Variants in MTUS2 observed in about 807,000 individuals in gnomAD.
The protein encoded by MTUS2 is microtubule-associated tumor suppressor candidate 2.
MTUS2 carries 40 observed loss-of-function variants against 114.1 expected under a neutral mutation model. The ratio of observed to expected loss-of-function variants is 0.35; its 90% CI spans 0.27 to 0.46. MTUS2 has a LOEUF of 0.46. Ranked by LOEUF, MTUS2 falls within the 20% of genes least tolerant of loss-of-function variation. The pLI is 1.00. For missense variants in MTUS2, 1,679 were observed against 1,705.4 expected (o/e 0.98, Z 0.27); for synonymous variants, 688 against 672.0 (o/e 1.02, Z -0.37).
At chr13:29,491,722 GGTGT>G (rs200557963) in intron 11 of MTUS2, among the ~76,000 whole-genome samples, 49,534 of 142,746 alleles carry the variant, frequency 0.35, 8,704 homozygotes, top group East Asian at 0.68. Flanking sequence ...GTGTGTGGTA[GGTGT>G]GTGTGGGGCG....
intron 2 of MTUS2, among the ~76,000 whole-genome samples, chr13:28,983,848 G>A (rs1884462172): frequency 6.6e-6 from 1 of 152,220 alleles, no homozygotes; most frequent in Non-Finnish European, 1.5e-5. Flanking sequence ...CTTTATCACT[G>A]CTGCCAAGCA....
At chr13:29,456,794 G>A (rs1879136284) in intron 9 of MTUS2, among the ~76,000 whole-genome samples, 1 of 152,144 alleles carries the variant, frequency 6.6e-6, no homozygotes, top group Admixed American at 6.5e-5. Flanking sequence ...TGGAAACTTA[G>A]ATGTATAGGA....
intron 6 of MTUS2, among the ~76,000 whole-genome samples, chr13:29,284,667 AAG>A (rs1156379287): frequency 3.9e-5 from 6 of 152,210 alleles, no homozygotes; most frequent in Non-Finnish European, 8.8e-5. Context: ...CAGATTCAGA[AAG>A]AATTGCAACG....
Position 29,196,435 on chromosome 13 carries a change from ATT to A in MTUS2, c.2645-85260_2645-85259del, listed in dbSNP as rs67580981. Among the ~76,000 whole-genome samples, 576 of 151,358 alleles carry A rather than the reference ATT, an allele frequency of 3.8e-3. 3 individuals carry two copies. The highest frequency in any genetic ancestry group is 0.013 in the African/African-American group (540 of 41,290). Reference sequence around the variant, plus strand: ...TTAAAAATATTAATATTTTTCCTCAATTTTTTTTTTGACTGTGGGAAAATGCA... The same window carrying A: ...TTAAAAATATTAATATTTTTCCTCAATTTTTTTTGACTGTGGGAAAATGCA... On this transcript the variant is annotated intron_variant, in intron 5 of 15. Coordinates refer to ENST00000612955, the MANE Select transcript of MTUS2 (RefSeq NM_001033602.4).
Position 29,505,763 on chromosome 13 carries a change from G to A in MTUS2, c.*2557G>A, listed in dbSNP as rs914717243. ...GTGGGCGGCCTGCCCCCCGACCGCC[G>A]CCCCTGCCCACCACATGCTGGGACA... On this transcript the variant is annotated 3_prime_UTR_variant, in exon 16 of 16. Coordinates refer to ENST00000612955, the MANE Select transcript of MTUS2 (RefSeq NM_001033602.4). 3 of 228,970 alleles carry A rather than the reference G, an allele frequency of 1.3e-5. No homozygotes were observed. The highest frequency in any genetic ancestry group is 2.2e-5 in the African/African-American group (1 of 45,030). 14.2% of individuals were successfully genotyped at this position (228,970 alleles called of 1,614,324 possible).
At chr13:29,185,132 A>G (rs1021990335) in intron 5 of MTUS2, among the ~76,000 whole-genome samples, 2 of 152,286 alleles carry the variant, frequency 1.3e-5, no homozygotes, top group Admixed American at 6.5e-5. Context: ...GAAAAGTACA[A>G]TGACTGAAAT....
At chr13:29,060,522 A>G (rs1888361617) in intron 4 of MTUS2, among the ~76,000 whole-genome samples, 1 of 144,722 alleles carries the variant, frequency 6.9e-6, no homozygotes, top group Non-Finnish European at 1.5e-5. Context: ...GTGGATCCCA[A>G]TGTGGTTTCT....
intron 14 of MTUS2, among the ~76,000 whole-genome samples, chr13:29,499,873 G>T (rs1057492482): frequency 5.9e-5 from 9 of 152,266 alleles, no homozygotes; most frequent in Non-Finnish European, 1.3e-4. Flanking sequence ...CAGACCAGAT[G>T]ATGCTGGATT....
At chr13:29,266,626 T>TCC (rs1213764104) in intron 5 of MTUS2, among the ~76,000 whole-genome samples, 1 of 152,154 alleles carries the variant, frequency 6.6e-6, no homozygotes, top group Non-Finnish European at 1.5e-5. Flanking sequence ...TTATAGATCA[T>TCC]CCCTAACTTT....
chr13:29,126,109 G>T (rs932646418), intron 5 of MTUS2, among the ~76,000 whole-genome samples: 8 of 152,126 alleles, frequency 5.3e-5, no homozygotes, highest in South Asian at 2.1e-4. Flanking sequence ...ACTTTGACAC[G>T]CATTTAACTT....
At chr13:29,104,263 C>A (rs549700365) in intron 5 of MTUS2, among the ~76,000 whole-genome samples, 1 of 152,182 alleles carries the variant, frequency 6.6e-6, no homozygotes, top group South Asian at 2.1e-4. Flanking sequence ...AGGTATCTTA[C>A]CATCCAGTTT....
chr13:29,250,837 T>G (rs1189191471), intron 5 of MTUS2, among the ~76,000 whole-genome samples: 3 of 152,186 alleles, frequency 2.0e-5, no homozygotes, highest in Non-Finnish European at 4.4e-5. Context: ...TAAATTTCAA[T>G]TTAACACCAA....
At chr13:29,457,586 A>G (rs1825721783) in intron 9 of MTUS2, among the ~76,000 whole-genome samples, 1 of 152,080 alleles carries the variant, frequency 6.6e-6, no homozygotes, top group Admixed American at 6.5e-5. Flanking sequence ...TGCTATTATA[A>G]ATAAGGCTGT....
chr13:29,039,710 A>G (rs1413809230), intron 4 of MTUS2, among the ~76,000 whole-genome samples: 1 of 152,160 alleles, frequency 6.6e-6, no homozygotes, highest in Non-Finnish European at 1.5e-5. Flanking sequence ...AACACAATAC[A>G]CTTGGATACT....
chr13:28,913,298 GT>G (rs1303006362), intron 2 of MTUS2, among the ~76,000 whole-genome samples: 1 of 152,102 alleles, frequency 6.6e-6, no homozygotes, highest in Non-Finnish European at 1.5e-5. Flanking sequence ...TCAATACCTA[GT>G]TTATTGAGAG....
intron 5 of MTUS2, among the ~76,000 whole-genome samples, chr13:29,208,428 T>C (rs1335148570): frequency 6.6e-6 from 1 of 152,004 alleles, no homozygotes; most frequent in Non-Finnish European, 1.5e-5. Flanking sequence ...CAATTTTCTT[T>C]AGTTCTGCTC....
At chr13:28,930,259 G>T (rs768793403) in intron 2 of MTUS2, among the ~76,000 whole-genome samples, 1 of 152,214 alleles carries the variant, frequency 6.6e-6, no homozygotes, top group Non-Finnish European at 1.5e-5. Context: ...CCACTAAAAT[G>T]TGATTGTTCA....
intron 7 of MTUS2, among the ~76,000 whole-genome samples, chr13:29,343,997 T>A (rs1371787015): frequency 6.6e-6 from 1 of 152,144 alleles, no homozygotes; most frequent in Admixed American, 6.5e-5. Flanking sequence ...CCAGTTTTAT[T>A]CCACTGTGGT....
rs1487394828 is a variant in MTUS2, at chr13:29,359,352, T to G, written c.2996T>G (p.Leu999Arg). The change falls in exon 8 of 16, where the codon CTG becomes CGG. Residue 999 changes from leucine to arginine, a missense_variant. Coordinates refer to ENST00000612955, the MANE Select transcript of MTUS2 (RefSeq NM_001033602.4). ...CGTGAGGCTGAGCGGCAGCTGGTGC[T>G]GCGGCTGAAGGAGCGGTGTGAGCAG... Reference protein sequence around the residue: ...QAREAERQLVLRLKERCEQQT... With the variant: ...QAREAERQLVRRLKERCEQQT... 5 of 1,612,282 alleles carry G rather than the reference T, an allele frequency of 3.1e-6. No homozygotes were observed. Among genetic ancestry groups the G allele is most frequent in the Non-Finnish European group, 4.2e-6 (5 of 1,179,408 alleles).
Sources: gnomAD v4.1 joint callset for allele counts (sites outside exome capture counted in the v4.1 genomes callset) on GRCh38, gnomAD v4.1.1 for gene constraint, MANE v1.5 for transcripts, NCBI Gene and HGNC (gene_info 2026-07-23, HGNC 2026-07-21) for gene names.